Variants in R3HDM1 observed in about 807,000 individuals in gnomAD.
The protein encoded by R3HDM1 is R3H domain containing 1.
A neutral mutation model predicts 141.1 loss-of-function variants in R3HDM1; 46 were observed. The observed-to-expected ratio is 0.33, with a 90% CI of 0.26 to 0.42. The LOEUF (loss-of-function observed/expected upper bound fraction) is 0.42, where lower values mean the gene tolerates loss of function less well. Ranked by LOEUF, R3HDM1 falls within the 10% of genes least tolerant of loss-of-function variation. The probability of loss-of-function intolerance (pLI) is 1.00; values close to 1 mark genes in which losing one functional copy is unlikely to be tolerated. For synonymous variants in R3HDM1, 435 were observed against 472.9 expected (o/e 0.92, Z 1.04); for missense variants, 1,184 against 1,368.3 (o/e 0.87, Z 2.12).
At chr2:135,632,038 TA>T in intron 9 of R3HDM1, 37 bp downstream of exon 9, 1 of 1,427,776 alleles carries the variant, frequency 7.0e-7, no homozygotes, top group South Asian at 1.4e-5. Flanking sequence ...ATTATATATC[TA>T]AATAATAATA....
chr2:135,541,488 G>A (rs989801114), intron 1 of R3HDM1, among the ~76,000 whole-genome samples: 21 of 152,126 alleles, frequency 1.4e-4, no homozygotes, highest in African/African-American at 5.1e-4. Context: ...GATTACAGGC[G>A]TGAGCCACCG....
intron 26 of R3HDM1, 48 bp from the exon 27 acceptor site, chr2:135,723,889 C>G: frequency 6.9e-7 from 1 of 1,452,450 alleles, no homozygotes; most frequent in African/African-American, 1.4e-5. Flanking sequence ...TTTTACCCAA[C>G]TTTTTTGGTA....
intron 21 of R3HDM1, among the ~76,000 whole-genome samples, chr2:135,693,361 CAA>C (rs111362301): frequency 7.0e-6 from 1 of 142,578 alleles, no homozygotes. Context: ...TGATAGCCAG[CAA>C]AAAAAAAAGA....
chr2:135,574,281 A>C (rs1407681975), intron 1 of R3HDM1, among the ~76,000 whole-genome samples: 1 of 152,216 alleles, frequency 6.6e-6, no homozygotes, highest in East Asian at 1.9e-4. Context: ...GTAATTTTCT[A>C]GGGAAATGCA....
intron 21 of R3HDM1, among the ~76,000 whole-genome samples, chr2:135,690,054 C>A (rs1355191093): frequency 6.6e-6 from 1 of 152,096 alleles, no homozygotes; most frequent in African/African-American, 2.4e-5. Context: ...AAATGTTTCA[C>A]AGAATCTTTA....
chr2:135,583,999 A>G (rs1707334892), intron 1 of R3HDM1: 1 of 985,298 alleles, frequency 1.0e-6, no homozygotes, highest in African/African-American at 1.7e-5. Flanking sequence ...GGATAGCACA[A>G]AATTTAAGGT....
intron 11 of R3HDM1, among the ~76,000 whole-genome samples, chr2:135,637,587 G>A (rs1200352777): frequency 1.3e-5 from 2 of 152,274 alleles, no homozygotes; most frequent in East Asian, 1.9e-4. Flanking sequence ...AGTACAGGTT[G>A]CAGTGACCCA....
chr2:135,662,631 C>T (rs576982175), intron 19 of R3HDM1, among the ~76,000 whole-genome samples: 9 of 152,232 alleles, frequency 5.9e-5, no homozygotes, highest in Admixed American at 3.3e-4. Context: ...AATTTTAGTT[C>T]CAAGCTACCT....
At chr2:135,633,626 G>A (rs1383574764) in intron 9 of R3HDM1, 1 of 152,074 alleles carries the variant, frequency 6.6e-6, no homozygotes, top group East Asian at 1.9e-4. Context: ...ATATGAAGAA[G>A]GTTGTAAATC....
intron 21 of R3HDM1, among the ~76,000 whole-genome samples, chr2:135,705,295 T>C (rs1269537901): frequency 6.6e-6 from 1 of 152,212 alleles, no homozygotes; most frequent in Non-Finnish European, 1.5e-5. Context: ...GAAGTTCAAA[T>C]AACATGTTCA....
intron 1 of R3HDM1, among the ~76,000 whole-genome samples, chr2:135,541,241 C>A (rs1290325549): frequency 6.6e-6 from 1 of 152,050 alleles, no homozygotes; most frequent in Non-Finnish European, 1.5e-5. Flanking sequence ...TGCTCTGTCA[C>A]CCAGGCTGGA....
In R3HDM1 at chr2:135,670,499, G is replaced by A. The variant is rs1225302297; in HGVS notation, c.2153-4833G>A. 3 of 737,138 alleles carry A rather than the reference G, an allele frequency of 4.1e-6. No individual in the cohort carries two copies. The East Asian group carries it at 3.9e-4, about 96-fold the overall frequency. 45.7% of individuals were successfully genotyped at this position (737,138 alleles called of 1,614,324 possible). A position where few individuals can be genotyped will look rare whatever the true frequency, so the allele number is the denominator to read the frequency against. On this transcript the variant is annotated intron_variant, in intron 19 of 26. Transcript: ENST00000683871. Reference sequence around the variant, plus strand: ...ATTGTACAATTTCTATTGATAAGATGTGGAAGCATTATATGAAAAAAGATT... The same window carrying A: ...ATTGTACAATTTCTATTGATAAGATATGGAAGCATTATATGAAAAAAGATT...
chr2:135,532,314 C>T (rs963846885), intron 1 of R3HDM1, among the ~76,000 whole-genome samples: 8 of 152,240 alleles, frequency 5.3e-5, no homozygotes, highest in Non-Finnish European at 1.0e-4. Flanking sequence ...GTTTTGATTC[C>T]TGAGCCTTAG....
rs1291862689 is a variant in R3HDM1 at position 135,537,357 on chromosome 2, C to T, written c.-250+5724C>T. The stretch of plus-strand genomic sequence containing the variant: ...CTGGAGTGCAGTGGCGCAATCTCGG[C>T]CTACTGCAACCTCCACCTCCCAGGT... On this transcript the variant is annotated intron_variant, in intron 1 of 26. Transcript: ENST00000683871. 2.1e-5 allele frequency among the ~76,000 whole-genome samples: 3 copies of T among 141,520 alleles called. No homozygotes were observed. The Admixed American group carries it at 2.2e-4, about 10-fold the overall frequency. The allele number at this position is 141,520 out of a possible 152,430, so 92.8% of individuals were successfully genotyped here.
chr2:135,694,852 A>G (rs2073001145), intron 21 of R3HDM1, among the ~76,000 whole-genome samples: 1 of 152,206 alleles, frequency 6.6e-6, no homozygotes, highest in African/African-American at 2.4e-5. Flanking sequence ...GGCCAGGAAA[A>G]GAACCACTCA....
intron 1 of R3HDM1, among the ~76,000 whole-genome samples, chr2:135,544,272 C>T (rs1573605275): frequency 1.3e-5 from 2 of 152,210 alleles, no homozygotes; most frequent in South Asian, 4.1e-4. Context: ...GTAGTAAAAA[C>T]ACATCATATA....
At chr2:135,642,221 GA>G (rs560539644) in intron 15 of R3HDM1, among the ~76,000 whole-genome samples, 26 of 151,760 alleles carry the variant, frequency 1.7e-4, no homozygotes, top group South Asian at 8.3e-4. Flanking sequence ...ATGGAGGGGG[GA>G]AAAATAATTA....
In R3HDM1 at chr2:135,680,281, G is replaced by A. The variant is rs1238654379; in HGVS notation, c.2416G>A (p.Val806Ile). The A allele has an allele frequency of 1.2e-6, 2 of 1,613,908 alleles. No homozygotes were observed. The highest frequency in any genetic ancestry group is 3.3e-5 in the Admixed American group (2 of 59,984). Residue 806 changes from valine to isoleucine, a missense_variant, in exon 21 of 27, where the codon GTT (valine) becomes ATT (isoleucine). Val to Ile is a conservative substitution (Grantham distance 29, BLOSUM62 3). This residue lies in a region of R3HDM1 where 563 missense variants were observed against 562.0 expected (regional missense o/e 1.00). Transcript: ENST00000683871. ...ATCTATGCCCACAACAGGAATGCCT[G>A]TTTACTATAGTGTCATTCCACCTGG... ...QGSMPTTGMP[V>I]YYSVIPPGQQ...
chr2:135,621,338 A>G (rs185695130), intron 5 of R3HDM1, among the ~76,000 whole-genome samples, 156 bp from the exon 6 acceptor site: 10 of 152,158 alleles, frequency 6.6e-5, no homozygotes, highest in African/African-American at 2.4e-4. Flanking sequence ...AAAAGTAGTA[A>G]AGTATTATTA....
Sources: allele counts gnomAD v4.1 joint callset (sites outside exome capture counted in the v4.1 genomes callset), GRCh38; gene constraint gnomAD v4.1.1; regional missense constraint gnomAD v4.1.1; transcripts MANE v1.5; gene names NCBI Gene and HGNC (gene_info 2026-07-23, HGNC 2026-07-21).